HPSE2: variants seen among roughly 807,000 people sequenced by gnomAD.
HPSE2 encodes the protein inactive heparanase-2.
HPSE2 carries 38 observed loss-of-function variants against 60.5 expected under a neutral mutation model. That is an observed-to-expected ratio of 0.63 (90% CI 0.48 to 0.82). The LOEUF is 0.82. Ranked by LOEUF, HPSE2 falls within the 40% of genes least tolerant of loss-of-function variation. The pLI is 0.00. For synonymous variants in HPSE2, 295 were observed against 293.2 expected (o/e 1.01, Z -0.06); for missense variants, 713 against 740.4 (o/e 0.96, Z 0.43).
intron 2 of HPSE2, among the ~76,000 whole-genome samples, chr10:99,220,615 C>A (rs1849276049): frequency 1.3e-5 from 2 of 151,890 alleles, no homozygotes; most frequent in African/African-American, 2.4e-5. Context: ...CCATCCTGGC[C>A]AACATGGTGA....
chr10:98,780,751 T>C (rs1280280152), intron 3 of HPSE2, among the ~76,000 whole-genome samples: 2 of 152,020 alleles, frequency 1.3e-5, no homozygotes, highest in East Asian at 3.9e-4. Context: ...AATAAATAGA[T>C]CTTAAAACAG....
At position 98,936,824 on chromosome 10, in the gene HPSE2, C is replaced by T. The variant is rs1283855515; in HGVS notation, c.611-192768G>A. On this transcript the variant is annotated intron_variant, in intron 3 of 11. Transcript: ENST00000370552. Reference sequence around the variant, plus strand: ...GGAAACCCTGTGTCCCCTAAAAATACAAAAATTAGCTGGGCGTGGTAGCAC... The same window carrying T: ...GGAAACCCTGTGTCCCCTAAAAATATAAAAATTAGCTGGGCGTGGTAGCAC... Among the ~76,000 whole-genome samples, 2 of 140,364 alleles carry T rather than the reference C, an allele frequency of 1.4e-5. 1 individual carries two copies. Among genetic ancestry groups the T allele is most frequent in the African/African-American group, 6.0e-5 (2 of 33,514 alleles). The allele number at this position is 140,364 out of a possible 152,430, so 92.1% of individuals were successfully genotyped here.
intron 5 of HPSE2, among the ~76,000 whole-genome samples, chr10:98,699,779 G>A (rs1212102761): frequency 7.8e-6 from 1 of 127,430 alleles, no homozygotes; most frequent in Non-Finnish European, 1.7e-5. Flanking sequence ...AAGCTGATAA[G>A]CAACTTCAGC....
At chr10:99,153,361 C>G (rs1846368808) in intron 2 of HPSE2, among the ~76,000 whole-genome samples, 1 of 152,206 alleles carries the variant, frequency 6.6e-6, no homozygotes, top group Non-Finnish European at 1.5e-5. Context: ...TGTCTGACAG[C>G]TTTGAAGAGA....
chr10:98,609,565 G>A (rs377351930), intron 9 of HPSE2, among the ~76,000 whole-genome samples: 5 of 152,280 alleles, frequency 3.3e-5, no homozygotes, highest in African/African-American at 9.6e-5. Flanking sequence ...TTAACATTTA[G>A]ATGTAGTCCC....
At chr10:98,532,775 C>T (rs1006049288) in intron 9 of HPSE2, among the ~76,000 whole-genome samples, 2 of 152,138 alleles carry the variant, frequency 1.3e-5, no homozygotes. Context: ...ATCATCTTTC[C>T]TTTCAGAGGG....
intron 3 of HPSE2, among the ~76,000 whole-genome samples, chr10:99,140,388 G>A (rs1845825292): frequency 1.3e-5 from 2 of 152,070 alleles, no homozygotes. Flanking sequence ...TATAATTATT[G>A]GCTACAGTTT....
chr10:99,053,894 AT>A lies in HPSE2; in HGVS notation c.610+90343del, dbSNP rs764231635. Among the ~76,000 whole-genome samples the A allele has an allele frequency of 7.5e-3, 1,061 of 142,122 alleles. 7 individuals are homozygous for A. Among genetic ancestry groups the A allele is most frequent in the Non-Finnish European group, 8.0e-3 (520 of 64,614 alleles). 93.2% of individuals were successfully genotyped at this position (142,122 alleles called of 152,430 possible). On this transcript the variant is annotated intron_variant, in intron 3 of 11. Coordinates refer to ENST00000370552, the MANE Select transcript of HPSE2 (RefSeq NM_021828.5). The stretch of plus-strand genomic sequence containing the variant: ...AGGTGCACGCTGCCACGCCCAGATA[AT>A]TTTTTTTTTTTTTGTATTTTAGTAG...
At chr10:99,114,507 C>A (rs1221397682) in intron 3 of HPSE2, among the ~76,000 whole-genome samples, 1 of 152,150 alleles carries the variant, frequency 6.6e-6, no homozygotes. Flanking sequence ...CTCTTCAGAT[C>A]TCTTAACACA....
chr10:98,693,183 T>C (rs952774042), intron 6 of HPSE2, among the ~76,000 whole-genome samples: 1 of 152,250 alleles, frequency 6.6e-6, no homozygotes, highest in Non-Finnish European at 1.5e-5. Context: ...GAAGATATTG[T>C]GAAATAGATT....
intron 9 of HPSE2, among the ~76,000 whole-genome samples, chr10:98,564,892 C>T (rs1944295933): frequency 6.6e-6 from 1 of 152,110 alleles, no homozygotes; most frequent in South Asian, 2.1e-4. Flanking sequence ...GGTGACTCTA[C>T]AATTTATCAT....
intron 9 of HPSE2, among the ~76,000 whole-genome samples, chr10:98,554,452 G>A (rs1943947351): frequency 6.6e-6 from 1 of 152,110 alleles, no homozygotes; most frequent in South Asian, 2.1e-4. Context: ...TTGCATTGCT[G>A]TGTCTGTACT....
chr10:98,557,209 T>C lies in HPSE2; in HGVS notation c.1320+57695A>G, dbSNP rs531292936. 1.3e-4 allele frequency among the ~76,000 whole-genome samples: 20 copies of C among 151,700 alleles called. 1 individual carries two copies. The South Asian group carries it at 4.0e-3, about 30-fold the overall frequency. ...GTCTGCGCAACAGAGCAAGACTCTG[T>C]CTCCAAAGGAAAAAAAAAATTAAGC... is the stretch of plus-strand genomic sequence containing the variant. On this transcript the variant is annotated intron_variant, in intron 9 of 11. Transcript: ENST00000370552.
intron 3 of HPSE2, among the ~76,000 whole-genome samples, chr10:99,073,939 G>GTT (rs34409713): frequency 4.7e-3 from 603 of 127,840 alleles, no homozygotes; most frequent in East Asian, 0.015. Context: ...AGTTCCAAAA[G>GTT]TTTTTTTTTT....
chr10:99,115,470 T>A (rs1405422912), intron 3 of HPSE2, among the ~76,000 whole-genome samples: 4 of 151,870 alleles, frequency 2.6e-5, no homozygotes, highest in Middle Eastern at 3.4e-3. Context: ...TTTTTTTTTA[T>A]TTTTTGTAGA....
intron 9 of HPSE2, among the ~76,000 whole-genome samples, chr10:98,518,102 G>A (rs1476890547): frequency 6.6e-6 from 1 of 152,214 alleles, no homozygotes; most frequent in Non-Finnish European, 1.5e-5. Context: ...GATAATCAGG[G>A]AAGGCTTTTG....
At chr10:98,876,849 C>G (rs918119637) in intron 3 of HPSE2, among the ~76,000 whole-genome samples, 1 of 151,886 alleles carries the variant, frequency 6.6e-6, no homozygotes, top group Non-Finnish European at 1.5e-5. Flanking sequence ...CTACCTCTCT[C>G]TACTTTTCTA....
At chr10:98,905,667 G>A (rs1953795657) in intron 3 of HPSE2, among the ~76,000 whole-genome samples, 1 of 151,984 alleles carries the variant, frequency 6.6e-6, no homozygotes, top group African/African-American at 2.4e-5. Context: ...GCTATAAATA[G>A]CTCCAATATT....
chr10:99,186,577 T>G lies in HPSE2; in HGVS notation c.449-42178A>C, dbSNP rs577640256. The stretch of plus-strand genomic sequence containing the variant: ...AAAAAAAAAAAAAAAAAAAAAAGAT[T>G]TACAGCAGACTTGTCATCAGAAACT... On this transcript the variant is annotated intron_variant, in intron 2 of 11. Coordinates refer to ENST00000370552, the MANE Select transcript of HPSE2 (RefSeq NM_021828.5). Among the ~76,000 whole-genome samples, 16 of 126,458 alleles carry G rather than the reference T, an allele frequency of 1.3e-4. No homozygotes were observed. The East Asian group carries it at 2.3e-3, about 18-fold the overall frequency. The allele number at this position is 126,458 out of a possible 152,430, so 83.0% of individuals were successfully genotyped here.
Sources: allele counts gnomAD v4.1 joint callset (sites outside exome capture counted in the v4.1 genomes callset), GRCh38; gene constraint gnomAD v4.1.1; transcripts MANE v1.5; gene names NCBI Gene and HGNC (gene_info 2026-07-23, HGNC 2026-07-21).